The following DOP1B variants were observed in gnomAD, a reference collection of about 807,000 sequenced individuals.
DOP1B encodes DOP1 leucine zipper like protein B.
A neutral mutation model predicts 233.5 loss-of-function variants in DOP1B; 174 were observed. That is an observed-to-expected ratio of 0.75 (90% confidence interval 0.66 to 0.85). The LOEUF (loss-of-function observed/expected upper bound fraction) is 0.85, where lower values mean the gene tolerates loss of function less well. Ranked by LOEUF, DOP1B falls within the 40% of genes least tolerant of loss-of-function variation. DOP1B has a pLI of 0.00. For synonymous variants in DOP1B, 1,190 were observed against 1,185.6 expected (o/e 1.00, Z -0.08); for missense variants, 2,652 against 2,846.6 (o/e 0.93, Z 1.56).
intron 2 of DOP1B, among the ~76,000 whole-genome samples, chr21:36,181,144 C>T (rs1465788974): frequency 6.6e-6 from 1 of 152,170 alleles, no homozygotes; most frequent in Non-Finnish European, 1.5e-5. Flanking sequence ...GCTGCTATAA[C>T]AAAGAAGTCC....
chr21:36,284,060 G>T (rs1355174682), intron 32 of DOP1B, among the ~76,000 whole-genome samples: 2 of 146,454 alleles, frequency 1.4e-5, no homozygotes, highest in African/African-American at 5.1e-5. Flanking sequence ...CAATTCTCCT[G>T]CCTCAGCCTC....
intron 2 of DOP1B, among the ~76,000 whole-genome samples, chr21:36,182,511 A>C (rs965750684): frequency 6.6e-6 from 1 of 151,838 alleles, no homozygotes; most frequent in Non-Finnish European, 1.5e-5. Context: ...AGGAACACAC[A>C]CTGCCACGAC....
In DOP1B at chr21:36,260,780, AT is replaced by A. The variant is rs780839999; in HGVS notation, c.5315+50del. On this transcript the variant is annotated intron_variant, in intron 24 of 36. Coordinates refer to ENST00000691173, the MANE Select transcript of DOP1B (RefSeq NM_001320714.2). ...AAAAACTTCCTTAAATACAGATGCT[AT>A]TGCAGTGAGCATGCATAATAAATAT... 5.0e-6 allele frequency: 8 copies of A among 1,608,282 alleles called. No individual in the cohort carries two copies. In the South Asian group the frequency reaches 9.0e-5, roughly 18 times the overall value.
chr21:36,164,645 G>T (rs2065892734), intron 1 of DOP1B, 63 bp from the exon 2 acceptor site: 1 of 1,341,630 alleles, frequency 7.5e-7, no homozygotes, highest in African/African-American at 1.5e-5. Context: ...GTAGCTCTGG[G>T]TTGGGAATGA....
rs2066674426 is a variant in DOP1B at position 36,225,657 on chromosome 21, T to C, written c.1463T>C (p.Val488Ala). 6.2e-7 allele frequency: 1 copy of C among 1,614,186 alleles called. No homozygotes were observed. The highest frequency in any genetic ancestry group is 2.2e-5 in the East Asian group (1 of 44,884). Residue 488 changes from valine (V) to alanine (A), a missense_variant, in exon 12 of 37, where the codon GTC becomes GCC. This residue lies in a region of DOP1B where 2,617 missense variants were observed against 2,794.3 expected (regional missense o/e 0.94). Coordinates refer to ENST00000691173, the MANE Select transcript of DOP1B (RefSeq NM_001320714.2). The part of the protein sequence containing the change: ...LCALLVFLLD[V>A]IPLELYSEVQ... ...GCCCTCCTGGTCTTCCTGCTGGATG[T>C]CATTCCTTTGGTGAGTGCTGGGGAA... is the stretch of plus-strand genomic sequence containing the variant.
chr21:36,264,398 G>A (rs1489245804), intron 26 of DOP1B, among the ~76,000 whole-genome samples: 1 of 152,078 alleles, frequency 6.6e-6, no homozygotes, highest in African/African-American at 2.4e-5. Context: ...GCAACAGAGA[G>A]AGATCCTGTC....
At chr21:36,207,169 TTTTTTTTC>T (rs1008663866) in intron 4 of DOP1B, among the ~76,000 whole-genome samples, 3 of 151,736 alleles carry the variant, frequency 2.0e-5, no homozygotes, top group Non-Finnish European at 4.4e-5. Context: ...GTTGAGTTTT[TTTTTTTTC>T]TTTTTTTCTT....
At chr21:36,178,366 G>A (rs1293683390) in intron 2 of DOP1B, among the ~76,000 whole-genome samples, 3 of 152,008 alleles carry the variant, frequency 2.0e-5, no homozygotes, top group Non-Finnish European at 2.9e-5. Flanking sequence ...TGGTGTGGTA[G>A]CATGCACCTG....
intron 23 of DOP1B, among the ~76,000 whole-genome samples, chr21:36,257,854 G>A (rs1181180522): frequency 4.0e-5 from 6 of 151,430 alleles, no homozygotes; most frequent in Non-Finnish European, 7.4e-5. Context: ...TAGGTAGGTA[G>A]GTAGAGAGAT....
chr21:36,265,971 T>G (rs1467619271), intron 26 of DOP1B, among the ~76,000 whole-genome samples: 1 of 151,706 alleles, frequency 6.6e-6, no homozygotes, highest in Non-Finnish European at 1.5e-5. Flanking sequence ...CACCTAGAGA[T>G]AGCTTGAGAT....
intron 12 of DOP1B, among the ~76,000 whole-genome samples, chr21:36,227,415 TGG>T (rs779915183): frequency 1.4e-5 from 2 of 147,586 alleles, no homozygotes. Context: ...GGCGTGGTGG[TGG>T]GCACCTGTAG....
intron 36 of DOP1B, among the ~76,000 whole-genome samples, chr21:36,292,614 T>G (rs1381360469): frequency 5.4e-5 from 3 of 55,684 alleles, no homozygotes; most frequent in African/African-American, 2.0e-4. Context: ...TTTTTGGGTT[T>G]TTTTTTTTTT....
At chr21:36,257,718 G>T (rs1229169079) in intron 23 of DOP1B, among the ~76,000 whole-genome samples, 3 of 151,404 alleles carry the variant, frequency 2.0e-5, no homozygotes, top group Non-Finnish European at 4.4e-5. Flanking sequence ...ATGTAGGTAG[G>T]TAGGTAGGTA....
chr21:36,181,543 T>G (rs900587321), intron 2 of DOP1B, among the ~76,000 whole-genome samples: 1 of 151,580 alleles, frequency 6.6e-6, no homozygotes, highest in African/African-American at 2.4e-5. Flanking sequence ...CCTCCCAAAG[T>G]GCTGGGATTA....
chr21:36,163,344 C>CAAA (rs762277927), intron 1 of DOP1B, among the ~76,000 whole-genome samples: 36,056 of 106,336 alleles, frequency 0.34, 7,093 homozygotes, highest in Non-Finnish European at 0.43. Flanking sequence ...GACTCTGTCT[C>CAAA]AAAAAAAAAA....
At chr21:36,196,800 G>A (rs188294711) in intron 2 of DOP1B, among the ~76,000 whole-genome samples, 1 of 152,272 alleles carries the variant, frequency 6.6e-6, no homozygotes, top group African/African-American at 2.4e-5. Flanking sequence ...TGCACCTGCA[G>A]TCCCAGCTAT....
chr21:36,209,021 A>C, intron 5 of DOP1B, 117 bp downstream of exon 5: 1 of 1,195,958 alleles, frequency 8.4e-7, no homozygotes, highest in Non-Finnish European at 1.1e-6. Context: ...AGGTGCACCA[A>C]GCTTAAGTCT....
intron 2 of DOP1B, chr21:36,170,675 C>A (rs1320349171): frequency 6.6e-6 from 1 of 151,202 alleles, no homozygotes; most frequent in African/African-American, 2.4e-5. Flanking sequence ...CTTGCTTGTC[C>A]TCCCAGCTAC....
At chr21:36,280,224 G>A in intron 30 of DOP1B, 61 bp from the exon 31 acceptor site, 2 of 1,242,368 alleles carry the variant, frequency 1.6e-6, no homozygotes, top group Non-Finnish European at 1.2e-6. Flanking sequence ...TTTTCTTAAT[G>A]TTTTGAATCA....
Sources: gnomAD v4.1 joint callset for allele counts (sites outside exome capture counted in the v4.1 genomes callset) on GRCh38, gnomAD v4.1.1 for gene constraint, gnomAD v4.1.1 regional missense constraint, MANE v1.5 for transcripts, NCBI Gene and HGNC (gene_info 2026-07-23, HGNC 2026-07-21) for gene names.